Variants in FSTL3 observed in about 807,000 individuals in gnomAD.
FSTL3 encodes follistatin-related protein 3.
A neutral mutation model predicts 28.1 loss-of-function variants in FSTL3; 21 were observed. The ratio of observed to expected loss-of-function variants is 0.75; its 90% confidence interval spans 0.53 to 1.08. The LOEUF is 1.08. FSTL3 is among the 50% of genes least tolerant of loss of function. The probability of loss-of-function intolerance (pLI) is 0.00; values close to 1 mark genes in which losing one functional copy is unlikely to be tolerated. For missense variants in FSTL3, 400 were observed against 380.9 expected, an observed-to-expected ratio of 1.05 and a Z score of -0.42; for synonymous variants, 199 against 164.2, an observed-to-expected ratio of 1.21 and a Z score of -1.62.
At position 681,869 on chromosome 19, in the gene FSTL3, C is replaced by G; in HGVS notation, c.*161C>G. 1.4e-6 allele frequency: 1 copy of G among 694,320 alleles called. No individual in the cohort carries two copies. The highest frequency in any genetic ancestry group is 2.5e-6 in the Non-Finnish European group (1 of 405,910). The allele number at this position is 694,320 out of a possible 1,614,324, so 43.0% of individuals were successfully genotyped here. ...CCTCCCTGACGATATCCTGGAAGGACTGAGGAAGGGAGGCCTGGGGGCCGG... is the reference window on the plus strand; with the variant it reads ...CCTCCCTGACGATATCCTGGAAGGAGTGAGGAAGGGAGGCCTGGGGGCCGG... On this transcript the variant is annotated 3_prime_UTR_variant, in exon 5 of 5. Transcript: ENST00000166139.
At chr19:676,659 C>T in intron 1 of FSTL3, 133 bp downstream of exon 1, 1 of 297,788 alleles carries the variant, frequency 3.4e-6, no homozygotes, top group Non-Finnish European at 6.1e-6. Context: ...AAGCTGGAGC[C>T]GGGAAGGTCT....
At position 677,680 on chromosome 19, in the gene FSTL3, G is replaced by T. The variant is rs375138817; in HGVS notation, c.104-112G>T. The T allele has an allele frequency of 1.1e-4, 113 of 1,060,872 alleles. No individual in the cohort carries two copies. The African/African-American group carries it at 1.7e-3, about 16-fold the overall frequency. The allele number at this position is 1,060,872 out of a possible 1,614,324, so 65.7% of individuals were successfully genotyped here. On this transcript the variant is annotated intron_variant, in intron 1 of 4. Transcript: ENST00000166139. ...TTTCTGCCCCTTCTTCCTGGGTGGG[G>T]GTAGATCATTCCGTGCGTAACTACT...
chr19:677,692 C>T (rs1179793648), intron 1 of FSTL3, 100 bp from the exon 2 acceptor site: 42 of 1,162,296 alleles, frequency 3.6e-5, no homozygotes, highest in Admixed American at 7.5e-5. Flanking sequence ...TAGATCATTC[C>T]GTGCGTAACT....
intron 4 of FSTL3, 42 bp from the exon 5 acceptor site, chr19:681,607 AC>A: frequency 6.3e-7 from 1 of 1,590,294 alleles, no homozygotes; most frequent in Non-Finnish European, 8.6e-7. Context: ...GGGCCGGAGA[AC>A]CCCCTGCCCT....
rs372338335 is a variant in FSTL3, at chr19:677,956, G to A, written c.268G>A (p.Val90Ile). 1.9e-5 allele frequency: 30 copies of A among 1,613,170 alleles called. No homozygotes were observed. Among genetic ancestry groups the A allele is most frequent in the Non-Finnish European group, 2.5e-5 (29 of 1,179,934 alleles). ...CAACCTCCTCGGCTTCTTGGGCCTT[G>A]TCCACTGCCTTCCCTGCAAAGGTGA... ...KINLLGFLGL[V>I]HCLPCKDSCD... Residue 90 changes from valine (V) to isoleucine (I), a missense_variant, in exon 2 of 5, where the codon GTC (valine) becomes ATC (isoleucine). Physicochemically the swap from Val to Ile is conservative, Grantham distance 29 (BLOSUM62 3). Transcript: ENST00000166139.
intron 1 of FSTL3, among the ~76,000 whole-genome samples, 177 bp from the exon 2 acceptor site, chr19:677,615 T>A (rs943418165): frequency 6.6e-6 from 1 of 151,952 alleles, no homozygotes; most frequent in African/African-American, 2.4e-5. Flanking sequence ...GAGGAGACAT[T>A]TCCAGGGTTC....
chr19:680,070 C>CTCGG, intron 2 of FSTL3: 1 of 282,388 alleles, frequency 3.5e-6, no homozygotes, highest in Non-Finnish European at 6.4e-6. Flanking sequence ...CAGCGCGGAC[C>CTCGG]TCGGCCCCAC....
At chr19:676,621 C>T (rs1309089822) in intron 1 of FSTL3, 95 bp downstream of exon 1, 5 of 333,706 alleles carry the variant, frequency 1.5e-5, no homozygotes, top group African/African-American at 6.7e-5. Flanking sequence ...GCGGCGGCGG[C>T]GGCGGGGGCG....
chr19:677,950 G>A lies in FSTL3; in HGVS notation c.262G>A (p.Gly88Ser). The change falls in exon 2 of 5, where the codon GGC becomes AGC. Residue 88 changes from glycine (G) to serine (S), a missense_variant. Transcript: ENST00000166139. Reference sequence around the variant, plus strand: ...CAAGATCAACCTCCTCGGCTTCTTGGGCCTTGTCCACTGCCTTCCCTGCAA... The same window carrying A: ...CAAGATCAACCTCCTCGGCTTCTTGAGCCTTGTCCACTGCCTTCCCTGCAA... The part of the protein sequence containing the change: ...GNKINLLGFL[G>S]LVHCLPCKDS... 6.2e-7 allele frequency: 1 copy of A among 1,613,388 alleles called. No individual in the cohort carries two copies. The highest frequency in any genetic ancestry group is 8.5e-7 in the Non-Finnish European group (1 of 1,179,978).
intron 1 of FSTL3, among the ~76,000 whole-genome samples, chr19:676,965 G>A (rs2144796560): frequency 6.6e-6 from 1 of 152,228 alleles, no homozygotes; most frequent in South Asian, 2.1e-4. Context: ...GCTTTCCCGG[G>A]TCCTGGGTAG....
chr19:681,566 G>T lies in FSTL3; in HGVS notation c.733+6G>T. On this transcript the variant is annotated splice_donor_region_variant and intron_variant, in intron 4 of 4. Transcript: ENST00000166139. Reference sequence around the variant, plus strand: ...CCACGCGGGCAGCTGCGCAGGTGCAGACGCAGGGCGGGGGCACAGGCCTGT... The same window carrying T: ...CCACGCGGGCAGCTGCGCAGGTGCATACGCAGGGCGGGGGCACAGGCCTGT... 2.5e-6 allele frequency: 4 copies of T among 1,604,538 alleles called. No homozygotes were observed. Among genetic ancestry groups the T allele is most frequent in the Non-Finnish European group, 3.4e-6 (4 of 1,176,820 alleles).
chr19:676,539 GC>G lies in FSTL3; in HGVS notation c.103+15del. On this transcript the variant is annotated intron_variant, in intron 1 of 4. Transcript: ENST00000166139. The stretch of plus-strand genomic sequence containing the variant: ...AACCCCGCGCCCGGTGAGTGGGGCG[GC>G]CAGAGGGGCGGGCGGGGCGGGCCAC... The G allele has an allele frequency of 1.5e-6, 1 of 648,328 alleles. No homozygotes were observed. Among genetic ancestry groups the G allele is most frequent in the Non-Finnish European group, 2.0e-6 (1 of 499,678 alleles). The allele number at this position is 648,328 out of a possible 1,614,324, so 40.2% of individuals were successfully genotyped here.
At chr19:680,094 G>C (rs1231556569) in intron 2 of FSTL3, 180 bp from the exon 3 acceptor site, 2 of 258,378 alleles carry the variant, frequency 7.7e-6, no homozygotes, top group African/African-American at 4.9e-5. Flanking sequence ...TCCCGCGCCC[G>C]GACCCTGAGC....
intron 3 of FSTL3, 113 bp downstream of exon 3, chr19:680,602 C>G (rs921147385): frequency 8.3e-5 from 41 of 495,984 alleles, no homozygotes; most frequent in Non-Finnish European, 1.1e-4. Flanking sequence ...CGGGACCACC[C>G]GGACCTGAGC....
At chr19:681,249 G>T in intron 3 of FSTL3, 84 bp from the exon 4 acceptor site, 1 of 986,376 alleles carries the variant, frequency 1.0e-6, no homozygotes, top group African/African-American at 1.6e-5. Flanking sequence ...CATCTTGGGG[G>T]TTAAGGGTGG....
chr19:681,262 C>G, intron 3 of FSTL3, 71 bp from the exon 4 acceptor site: 1 of 1,157,610 alleles, frequency 8.6e-7, no homozygotes, highest in South Asian at 1.5e-5. Context: ...AAGGGTGGGT[C>G]TTGGGGCCAA....
In FSTL3 at chr19:681,320, A is replaced by G; in HGVS notation, c.506-13A>G. 1 of 1,532,392 alleles carries G rather than the reference A, an allele frequency of 6.5e-7. No individual in the cohort carries two copies. The highest frequency in any genetic ancestry group is 8.8e-7 in the Non-Finnish European group (1 of 1,142,268). The allele number at this position is 1,532,392 out of a possible 1,614,324, so 94.9% of individuals were successfully genotyped here. A position where few individuals can be genotyped will look rare whatever the true frequency, so the allele number is the denominator to read the frequency against. On this transcript the variant is annotated splice_polypyrimidine_tract_variant and intron_variant, in intron 3 of 4. Coordinates refer to ENST00000166139, the MANE Select transcript of FSTL3 (RefSeq NM_005860.3). ...AGATGTCCCCTGAACTTCCCCTGGC[A>G]CCCGGCCTGCAGAGTCCTGTGAGCA... is the stretch of plus-strand genomic sequence containing the variant.
At position 681,813 on chromosome 19, in the gene FSTL3, C is replaced by G. The variant is rs550862342; in HGVS notation, c.*105C>G. 2.1e-3 allele frequency: 2,193 copies of G among 1,039,296 alleles called. 6 individuals are homozygous for G. The highest frequency in any genetic ancestry group is 1.9e-3 in the Non-Finnish European group (1,340 of 691,878). The allele number at this position is 1,039,296 out of a possible 1,614,324, so 64.4% of individuals were successfully genotyped here. ...TATATGCCACGGACACTCCTTAGAG[C>G]CCGGATTCGGACCACTTGGGGATCC... On this transcript the variant is annotated 3_prime_UTR_variant, in exon 5 of 5. Transcript: ENST00000166139.
chr19:681,069 C>T (rs1372965022), intron 3 of FSTL3, among the ~76,000 whole-genome samples: 2 of 138,748 alleles, frequency 1.4e-5, no homozygotes, highest in East Asian at 4.4e-4. Flanking sequence ...CCCGCAGTCG[C>T]GGAGGGGCGG....
Sources: allele counts gnomAD v4.1 joint callset (sites outside exome capture counted in the v4.1 genomes callset), GRCh38; gene constraint gnomAD v4.1.1; transcripts MANE v1.5; gene names NCBI Gene and HGNC (gene_info 2026-07-23, HGNC 2026-07-21).